SEMA6D: variants seen among roughly 807,000 people sequenced by gnomAD.
The protein encoded by SEMA6D is semaphorin-6D.
A neutral mutation model predicts 106.6 loss-of-function variants in SEMA6D; 35 were observed. That is an observed-to-expected ratio of 0.33 (90% CI 0.25 to 0.44). SEMA6D has a LOEUF of 0.44. SEMA6D is among the 20% of genes least tolerant of loss of function. The probability of loss-of-function intolerance (pLI) is 1.00; values close to 1 mark genes in which losing one functional copy is unlikely to be tolerated. For synonymous variants in SEMA6D, 499 were observed against 487.7 expected, an observed-to-expected ratio of 1.02 and a Z score of -0.31; for missense variants, 1,185 against 1,345.9, an observed-to-expected ratio of 0.88 and a Z score of 1.87.
chr15:47,191,682 A>G (rs528573357), intron 1 of SEMA6D, among the ~76,000 whole-genome samples: 1 of 152,224 alleles, frequency 6.6e-6, no homozygotes, highest in Non-Finnish European at 1.5e-5. Context: ...AATTAAATGT[A>G]TCAAATAAAT....
intron 1 of SEMA6D, among the ~76,000 whole-genome samples, chr15:47,279,602 G>T (rs976048835): frequency 6.7e-6 from 1 of 150,124 alleles, no homozygotes; most frequent in African/African-American, 2.5e-5. Context: ...CCTGTCTTGT[G>T]CCAGTTTTCA....
In SEMA6D at chr15:47,229,832, C is replaced by T. The variant is rs74013754; in HGVS notation, c.-239+45414C>T. Among the ~76,000 whole-genome samples, 664 of 152,144 alleles carry T rather than the reference C, an allele frequency of 4.4e-3. 4 individuals are homozygous for T. The highest frequency in any genetic ancestry group is 0.015 in the African/African-American group (639 of 41,548). On this transcript the variant is annotated intron_variant, in intron 1 of 19. Coordinates refer to the SEMA6D transcript ENST00000558014. ...CTATGCTTGTATCTTCTCTAGAAGACTGATAACATATTATATTTTCATTGA... is the reference window on the plus strand; with the variant it reads ...CTATGCTTGTATCTTCTCTAGAAGATTGATAACATATTATATTTTCATTGA...
intron 4 of SEMA6D, among the ~76,000 whole-genome samples, chr15:47,700,326 G>A (rs2078784295): frequency 6.6e-6 from 1 of 152,102 alleles, no homozygotes; most frequent in South Asian, 2.1e-4. Context: ...AGGAGTTTGA[G>A]ACCAGCCTAG....
At chr15:47,655,683 G>C (rs2077778766) in intron 4 of SEMA6D, among the ~76,000 whole-genome samples, 1 of 152,322 alleles carries the variant, frequency 6.6e-6, no homozygotes, top group South Asian at 2.1e-4. Flanking sequence ...AATTATTAAT[G>C]TGTTCTTGAA....
chr15:47,640,476 G>A (rs535498344), intron 4 of SEMA6D, among the ~76,000 whole-genome samples: 90 of 152,232 alleles, frequency 5.9e-4, no homozygotes, highest in Non-Finnish European at 1.0e-3. Flanking sequence ...GAGCTTGAAC[G>A]GAGCTCAAAG....
chr15:47,321,192 C>G (rs572903729), intron 1 of SEMA6D, among the ~76,000 whole-genome samples: 1 of 152,170 alleles, frequency 6.6e-6, no homozygotes, highest in Non-Finnish European at 1.5e-5. Context: ...AGCCCATCTT[C>G]CTGGTAAAGA....
intron 1 of SEMA6D, among the ~76,000 whole-genome samples, chr15:47,294,124 A>G (rs1294314621): frequency 6.6e-6 from 1 of 152,096 alleles, no homozygotes; most frequent in East Asian, 1.9e-4. Flanking sequence ...AGAGCCGTGC[A>G]CTATTGGAGA....
intron 4 of SEMA6D, among the ~76,000 whole-genome samples, chr15:47,602,071 C>G (rs1207720889): frequency 6.6e-6 from 1 of 152,110 alleles, no homozygotes; most frequent in African/African-American, 2.4e-5. Flanking sequence ...AAAAATATAG[C>G]TCTGGAATGT....
intron 1 of SEMA6D, among the ~76,000 whole-genome samples, chr15:47,754,584 T>A (rs1187806559): frequency 6.6e-6 from 1 of 152,228 alleles, no homozygotes; most frequent in Non-Finnish European, 1.5e-5. Flanking sequence ...TTTCCTTGTT[T>A]CAGCATTTTT....
At chr15:47,480,294 G>A (rs1003534725) in intron 3 of SEMA6D, among the ~76,000 whole-genome samples, 1 of 151,688 alleles carries the variant, frequency 6.6e-6, no homozygotes. Flanking sequence ...TAGCTAATGG[G>A]TATCTCCTAT....
At chr15:47,318,490 T>G (rs2036783977) in intron 1 of SEMA6D, among the ~76,000 whole-genome samples, 1 of 144,232 alleles carries the variant, frequency 6.9e-6, no homozygotes, top group Admixed American at 7.1e-5. Flanking sequence ...ATTGTTCAAT[T>G]CCCACCTATA....
chr15:47,255,616 CT>C (rs1229368743), intron 1 of SEMA6D, among the ~76,000 whole-genome samples: 2 of 151,876 alleles, frequency 1.3e-5, no homozygotes, highest in Non-Finnish European at 2.9e-5. Context: ...TAATTATTTT[CT>C]TCCAGTCTGT....
At chr15:47,293,341 C>G (rs2035668988) in intron 1 of SEMA6D, among the ~76,000 whole-genome samples, 2 of 152,194 alleles carry the variant, frequency 1.3e-5, no homozygotes. Context: ...TGGTCTTATT[C>G]TTTAATTCCT....
At chr15:47,218,899 C>A (rs2030930292) in intron 1 of SEMA6D, among the ~76,000 whole-genome samples, 2 of 152,166 alleles carry the variant, frequency 1.3e-5, no homozygotes, top group Non-Finnish European at 2.9e-5. Flanking sequence ...GTGGCAGAAT[C>A]AAAGTTAAAT....
intron 1 of SEMA6D, among the ~76,000 whole-genome samples, chr15:47,269,629 G>A (rs28506780): frequency 0.018 from 2,708 of 151,734 alleles, 93 homozygotes; most frequent in African/African-American, 0.063. Context: ...AGTTTTTCTG[G>A]GGTTAGCAGG....
At chr15:47,342,702 C>T (rs868802007) in intron 1 of SEMA6D, among the ~76,000 whole-genome samples, 1 of 151,980 alleles carries the variant, frequency 6.6e-6, no homozygotes, top group Admixed American at 6.6e-5. Flanking sequence ...CACTAAATCG[C>T]TCAAATTACT....
chr15:47,470,713 G>A (rs2042809757), intron 3 of SEMA6D, among the ~76,000 whole-genome samples: 1 of 152,096 alleles, frequency 6.6e-6, no homozygotes, highest in South Asian at 2.1e-4. Flanking sequence ...GTCAGGTTGG[G>A]TTAGCTTTAC....
chr15:47,497,893 A>G (rs138951212), intron 3 of SEMA6D, among the ~76,000 whole-genome samples: 28 of 152,096 alleles, frequency 1.8e-4, no homozygotes, highest in African/African-American at 6.0e-4. Flanking sequence ...AGTAGGTTCT[A>G]CTTCTGCAGA....
chr15:47,349,739 T>TGCC lies in SEMA6D; in HGVS notation c.-238-62654_-238-62653insGCC, dbSNP rs1264341130. Reference sequence around the variant, plus strand: ...ATAAAGCCTAATAGAAAAACAGATTTTGGTAACTGCCTGGAGTAAATTGAA... The same window carrying TGCC: ...ATAAAGCCTAATAGAAAAACAGATTTGCCTGGTAACTGCCTGGAGTAAATTGAA... On this transcript the variant is annotated intron_variant, in intron 1 of 19. Transcript: ENST00000558014. 3.6e-4 allele frequency among the ~76,000 whole-genome samples: 55 copies of TGCC among 152,256 alleles called. No homozygotes were observed. In the East Asian group the frequency reaches 7.5e-3, roughly 21 times the overall value.
Sources: allele counts gnomAD v4.1 joint callset (sites outside exome capture counted in the v4.1 genomes callset), GRCh38; gene constraint gnomAD v4.1.1; transcripts MANE v1.5; gene names NCBI Gene and HGNC (gene_info 2026-07-23, HGNC 2026-07-21).